Variants in ZNF732 observed in about 807,000 individuals in gnomAD.
ZNF732 encodes the protein zinc finger protein LOC654254.
ZNF732 carries 12 observed loss-of-function variants against 11.5 expected under a neutral mutation model. The observed-to-expected ratio is 1.05, with a 90% CI of 0.67 to 1.70. The LOEUF (loss-of-function observed/expected upper bound fraction) is 1.70, where lower values mean the gene tolerates loss of function less well. Among genes scored for constraint, ZNF732 ranks in the 40% most tolerant of loss-of-function variants. The pLI is 0.00. For synonymous variants in ZNF732, 231 were observed against 236.5 expected, an observed-to-expected ratio of 0.98 and a Z score of 0.21; for missense variants, 702 against 676.9, an observed-to-expected ratio of 1.04 and a Z score of -0.41.
Position 296,063 on chromosome 4 carries a change from C to G in ZNF732, c.96G>C (p.Val32=), listed in dbSNP as rs1478366001. ...DPAQQNLYRD[V]MLENYRNLIS... ...TCAGGTTCCTGTAGTTCTCCAACAT[C>G]ACATCTCTATACAAATTCTGCTGGG... The change falls in exon 2 of 4, where the codon GTG becomes GTC. Residue 32 remains valine (V), a synonymous_variant. Coordinates refer to ENST00000419098, the MANE Select transcript of ZNF732 (RefSeq NM_001137608.3). 3.1e-6 allele frequency: 5 copies of G among 1,613,906 alleles called. No homozygotes were observed. Among genetic ancestry groups the G allele is most frequent in the Non-Finnish European group, 4.2e-6 (5 of 1,179,916 alleles).
chr4:301,047 G>T (rs1720108194), intron 1 of ZNF732, among the ~76,000 whole-genome samples: 1 of 152,166 alleles, frequency 6.6e-6, no homozygotes, highest in Admixed American at 6.5e-5. Context: ...CCATCAACAA[G>T]TGGGCGAAGG....
chr4:286,321 G>A (rs927859012), intron 3 of ZNF732, among the ~76,000 whole-genome samples: 1 of 152,082 alleles, frequency 6.6e-6, no homozygotes, highest in South Asian at 2.1e-4. Context: ...GTGAACAGAA[G>A]AACATGTAAA....
chr4:299,604 A>G (rs1295257579), intron 1 of ZNF732, among the ~76,000 whole-genome samples: 1 of 126,756 alleles, frequency 7.9e-6, no homozygotes, highest in Non-Finnish European at 1.6e-5. Context: ...ATATTTATAA[A>G]TTATTTATAT....
Position 271,691 on chromosome 4 carries a change from G to A in ZNF732, c.1166C>T (p.Pro389Leu), listed in dbSNP as rs782428018. ...TTTTCCACATTCTTCACATGTGTAG[G>A]GTTTCTCTCCAGTATGAATACTCTT... The part of the protein sequence containing the change: ...KHKSIHTGEK[P>L]YTCEECGKAF... Residue 389 changes from proline (P) to leucine (L), a missense_variant, in exon 4 of 4, where the codon CCC becomes CTC. This residue lies in a region of ZNF732 where 596 missense variants were observed against 557.9 expected (regional missense o/e 1.07). Transcript: ENST00000419098. 1.6e-5 allele frequency: 25 copies of A among 1,612,466 alleles called. No homozygotes were observed. The highest frequency in any genetic ancestry group is 2.0e-5 in the Non-Finnish European group (24 of 1,179,250).
chr4:304,147 C>G (rs1313757800), intron 1 of ZNF732, among the ~76,000 whole-genome samples: 6 of 152,212 alleles, frequency 3.9e-5, no homozygotes, highest in Non-Finnish European at 8.8e-5. Context: ...CTGTCACGGG[C>G]ACAATTCCTG....
intron 3 of ZNF732, among the ~76,000 whole-genome samples, chr4:283,668 A>G (rs1481333978): frequency 1.3e-5 from 2 of 152,188 alleles, no homozygotes; most frequent in Non-Finnish European, 2.9e-5. Flanking sequence ...CTGGGGGACT[A>G]TATTGCCCTA....
chr4:279,373 G>C (rs1215375184), intron 3 of ZNF732, among the ~76,000 whole-genome samples: 1 of 151,528 alleles, frequency 6.6e-6, no homozygotes, highest in Non-Finnish European at 1.5e-5. Context: ...GTGAACCCGG[G>C]AGGCAGAGCT....
At chr4:273,872 A>T (rs564668374) in intron 3 of ZNF732, among the ~76,000 whole-genome samples, 1 of 151,152 alleles carries the variant, frequency 6.6e-6, no homozygotes, top group Non-Finnish European at 1.5e-5. Flanking sequence ...TGCTAGGAAA[A>T]AAAAAAAAAA....
At chr4:299,615 A>T (rs1348570381) in intron 1 of ZNF732, among the ~76,000 whole-genome samples, 1 of 142,670 alleles carries the variant, frequency 7.0e-6, no homozygotes, top group Non-Finnish European at 1.5e-5. Context: ...TTATTTATAT[A>T]TAAATAATAT....
chr4:305,471 A>G lies in ZNF732; in HGVS notation c.-161T>C, dbSNP rs1720215633. 3 of 1,021,942 alleles carry G rather than the reference A, an allele frequency of 2.9e-6. No individual in the cohort carries two copies. The highest frequency in any genetic ancestry group is 4.2e-6 in the Non-Finnish European group (3 of 713,004). The allele number at this position is 1,021,942 out of a possible 1,614,324, so 63.3% of individuals were successfully genotyped here. A position where few individuals can be genotyped will look rare whatever the true frequency, so the allele number is the denominator to read the frequency against. Reference sequence around the variant, plus strand: ...CTAACCGAGCTCACGCTGGCGCAAAAGGCAAAAGCCGCGCCAGATCCCGGA... The same window carrying G: ...CTAACCGAGCTCACGCTGGCGCAAAGGGCAAAAGCCGCGCCAGATCCCGGA... On this transcript the variant is annotated 5_prime_UTR_variant, in exon 1 of 4. Transcript: ENST00000419098.
rs528595706 is a variant in ZNF732 at position 287,405 on chromosome 4, G to A, written c.226+8033C>T. On this transcript the variant is annotated intron_variant, in intron 3 of 3. Coordinates refer to ENST00000419098, the MANE Select transcript of ZNF732 (RefSeq NM_001137608.3). ...AATTTTTGTATTTTTAGTAGAGACG[G>A]GGTTTCGCCATGTTGGCCAGGGTAG... 5.3e-5 allele frequency among the ~76,000 whole-genome samples: 8 copies of A among 151,434 alleles called. No homozygotes were observed. In the East Asian group the frequency reaches 1.6e-3, roughly 30 times the overall value.
chr4:280,412 A>G (rs1376059066), intron 3 of ZNF732, among the ~76,000 whole-genome samples: 1 of 151,956 alleles, frequency 6.6e-6, no homozygotes, highest in Non-Finnish European at 1.5e-5. Flanking sequence ...CATCTCTACT[A>G]AAAATACAAA....
At chr4:275,047 C>G (rs192239841) in intron 3 of ZNF732, among the ~76,000 whole-genome samples, 4 of 151,616 alleles carry the variant, frequency 2.6e-5, no homozygotes, top group Admixed American at 2.6e-4. Flanking sequence ...CAGTATTAAA[C>G]TATTACGCCT....
At chr4:284,708 T>C (rs187696469) in intron 3 of ZNF732, among the ~76,000 whole-genome samples, 198 of 150,696 alleles carry the variant, frequency 1.3e-3, no homozygotes, top group African/African-American at 4.3e-3. Context: ...AAGTCTCTAC[T>C]AAAAATACAA....
intron 1 of ZNF732, among the ~76,000 whole-genome samples, chr4:302,496 T>C (rs1720138480): frequency 6.6e-6 from 1 of 152,194 alleles, no homozygotes; most frequent in East Asian, 1.9e-4. Flanking sequence ...GGTTTTCTAA[T>C]TGGTAATATT....
At chr4:300,922 A>G (rs1241069629) in intron 1 of ZNF732, among the ~76,000 whole-genome samples, 2 of 152,228 alleles carry the variant, frequency 1.3e-5, no homozygotes, top group African/African-American at 4.8e-5. Flanking sequence ...CTACCATCAG[A>G]GTGAACAGGC....
Position 271,287 on chromosome 4 carries a change from G to C in ZNF732, c.1570C>G (p.His524Asp), listed in dbSNP as rs782435737. Residue 524 changes from histidine (H) to aspartate (D), a missense_variant, in exon 4 of 4, where the codon CAT becomes GAT. Transcript: ENST00000419098. ...CATCTATAAGGTTTCTCTCCAGTAT[G>C]AATTTTCTTATGTTTACTCAGGTAT... ...STYLSKHKKIHTGEKPYRCEE... is the reference protein window; with the variant it reads ...STYLSKHKKIDTGEKPYRCEE... 6.3e-7 allele frequency: 1 copy of C among 1,590,414 alleles called. No individual in the cohort carries two copies. The highest frequency in any genetic ancestry group is 8.6e-7 in the Non-Finnish European group (1 of 1,167,722).
chr4:294,221 C>T lies in ZNF732; in HGVS notation c.226+1217G>A, dbSNP rs189003633. On this transcript the variant is annotated intron_variant, in intron 3 of 3. Transcript: ENST00000419098. ...TTTGCCGTGTTGGCCAGGCTGGTCT[C>T]GAATTCTTAACCTCGTGATCCACCC... 1.1e-4 allele frequency among the ~76,000 whole-genome samples: 17 copies of T among 152,252 alleles called. No homozygotes were observed. In the East Asian group the frequency reaches 1.9e-3, roughly 17 times the overall value.
At chr4:295,182 C>G (rs546423632) in intron 3 of ZNF732, among the ~76,000 whole-genome samples, 1 of 152,304 alleles carries the variant, frequency 6.6e-6, no homozygotes, top group Non-Finnish European at 1.5e-5. Context: ...GATCATGCAG[C>G]CCCTAATAAA....
Sources: gnomAD v4.1 joint callset for allele counts (sites outside exome capture counted in the v4.1 genomes callset) on GRCh38, gnomAD v4.1.1 for gene constraint, gnomAD v4.1.1 regional missense constraint, MANE v1.5 for transcripts, NCBI Gene and HGNC (gene_info 2026-07-23, HGNC 2026-07-21) for gene names.